Variants in TCF4 observed in about 807,000 individuals in gnomAD.
TCF4 encodes SL3-3 enhancer factor 2.
TCF4 carries 3 observed loss-of-function variants against 82.1 expected under a neutral mutation model. The observed-to-expected ratio is 0.04, with a 90% CI of 0.02 to 0.09. TCF4 has a LOEUF of 0.09. TCF4 is among the 10% of genes least tolerant of loss of function. The pLI, the probability that TCF4 is intolerant of heterozygous loss-of-function variation, is 1.00. For synonymous variants in TCF4, 276 were observed against 309.6 expected (o/e 0.89, Z 1.14); for missense variants, 518 against 852.7 (o/e 0.61, Z 4.89).
chr18:55,334,242 T>G (rs1400671898), intron 8 of TCF4, among the ~76,000 whole-genome samples: 1 of 152,182 alleles, frequency 6.6e-6, no homozygotes, highest in African/African-American at 2.4e-5. Context: ...AGCATTATTC[T>G]TAATAGTAAA....
intron 8 of TCF4, chr18:55,322,366 C>T (rs2075792119): frequency 4.1e-6 from 4 of 982,638 alleles, no homozygotes; most frequent in Non-Finnish European, 4.8e-6. Flanking sequence ...TAGCTCCCAG[C>T]ATTGTACGCA....
intron 6 of TCF4, chr18:55,351,256 A>G: frequency 2.3e-6 from 1 of 436,096 alleles, no homozygotes; most frequent in Non-Finnish European, 4.2e-6. Context: ...TAAGTCTTTT[A>G]AGATGACTCA....
intron 5 of TCF4, among the ~76,000 whole-genome samples, chr18:55,442,437 T>C (rs1027124927): frequency 1.3e-5 from 2 of 152,216 alleles, no homozygotes; most frequent in African/African-American, 4.8e-5. Context: ...CCCCAATTTG[T>C]CCATCCATGT....
intron 15 of TCF4, 63 bp from the exon 16 acceptor site, chr18:55,234,746 A>T: frequency 6.2e-7 from 1 of 1,611,694 alleles, no homozygotes; most frequent in South Asian, 1.1e-5. Context: ...CTATTTCCAG[A>T]GGCCAAGAGG....
intron 6 of TCF4, among the ~76,000 whole-genome samples, chr18:55,370,085 C>A (rs144150233): frequency 6.6e-6 from 1 of 152,332 alleles, no homozygotes; most frequent in Non-Finnish European, 1.5e-5. Context: ...CACAGTCTGA[C>A]CCCAATCTCA....
chr18:55,399,914 ACACACACACAC>A (rs2093719449), intron 6 of TCF4, among the ~76,000 whole-genome samples: 6 of 150,534 alleles, frequency 4.0e-5, no homozygotes, highest in Admixed American at 6.6e-5. Flanking sequence ...ACACACACAC[ACACACACACAC>A]AATACTAAAA....
chr18:55,485,637 C>T (rs973007525), intron 3 of TCF4, among the ~76,000 whole-genome samples: 2 of 152,190 alleles, frequency 1.3e-5, no homozygotes, highest in East Asian at 3.8e-4. Flanking sequence ...GCACAGGTAA[C>T]GTTAATGGCT....
chr18:55,344,842 C>T (rs2080827119), intron 8 of TCF4, among the ~76,000 whole-genome samples: 1 of 152,064 alleles, frequency 6.6e-6, no homozygotes, highest in Admixed American at 6.6e-5. Context: ...GGGCATACAA[C>T]CTTTTTGTTT....
chr18:55,533,057 C>G (rs2097082211), intron 3 of TCF4, among the ~76,000 whole-genome samples: 1 of 152,174 alleles, frequency 6.6e-6, no homozygotes, highest in African/African-American at 2.4e-5. Flanking sequence ...TCCTTTCTAT[C>G]AAGTGGCACA....
At chr18:55,438,638 A>G (rs1379214662) in intron 5 of TCF4, among the ~76,000 whole-genome samples, 1 of 152,214 alleles carries the variant, frequency 6.6e-6, no homozygotes. Context: ...CAGTCCTGGT[A>G]GGAAAGGTAG....
intron 15 of TCF4, among the ~76,000 whole-genome samples, chr18:55,247,276 C>T (rs568631682): frequency 1.0e-3 from 156 of 152,190 alleles, no homozygotes; most frequent in Middle Eastern, 0.01. Flanking sequence ...TTAGTCACAC[C>T]CATCACATTT....
chr18:55,347,301 G>A (rs529107963), intron 8 of TCF4, among the ~76,000 whole-genome samples: 13 of 152,028 alleles, frequency 8.6e-5, no homozygotes, highest in Non-Finnish European at 1.6e-4. Flanking sequence ...CAGAGCTCTC[G>A]TGGGCAATTA....
upstream of TCF4, chr18:55,589,912 G>T: frequency 1.2e-6 from 1 of 860,578 alleles, no homozygotes; most frequent in Non-Finnish European, 1.4e-6. Context: ...TAGAGAGGCG[G>T]CCAAGATGGC....
At chr18:55,363,454 C>T (rs1421495353) in intron 6 of TCF4, among the ~76,000 whole-genome samples, 1 of 152,126 alleles carries the variant, frequency 6.6e-6, no homozygotes, top group Non-Finnish European at 1.5e-5. Context: ...TTAGCTATGA[C>T]ATTAGAGCTA....
chr18:55,609,026 T>C (rs2097704749), intron 2 of TCF4, among the ~76,000 whole-genome samples: 1 of 152,142 alleles, frequency 6.6e-6, no homozygotes, highest in Non-Finnish European at 1.5e-5. Context: ...ACACAGGCTC[T>C]TTCTCTCTGT....
At chr18:55,250,310 A>C (rs2054616969) in intron 15 of TCF4, among the ~76,000 whole-genome samples, 1 of 152,162 alleles carries the variant, frequency 6.6e-6, no homozygotes, top group Non-Finnish European at 1.5e-5. Context: ...CTTTGGAGGG[A>C]AAGTTCTCTG....
chr18:55,368,549 G>C (rs1603388809), intron 6 of TCF4, among the ~76,000 whole-genome samples: 1 of 152,156 alleles, frequency 6.6e-6, no homozygotes, highest in East Asian at 1.9e-4. Context: ...TTTTAAGAAA[G>C]TTTTCAAATT....
intron 5 of TCF4, among the ~76,000 whole-genome samples, chr18:55,442,046 TAGC>T (rs2095446592): frequency 6.6e-6 from 1 of 152,176 alleles, no homozygotes. Context: ...TGACACAACT[TAGC>T]AGGCAATGTA....
At chr18:55,524,509 C>G (rs1026024846) in intron 3 of TCF4, among the ~76,000 whole-genome samples, 3 of 152,062 alleles carry the variant, frequency 2.0e-5, no homozygotes, top group African/African-American at 4.8e-5. Flanking sequence ...TTTAAATGAG[C>G]CTTTCATGGT....
Sources: gnomAD v4.1 joint callset for allele counts (sites outside exome capture counted in the v4.1 genomes callset) on GRCh38, gnomAD v4.1.1 for gene constraint, MANE v1.5 for transcripts, NCBI Gene and HGNC (gene_info 2026-07-23, HGNC 2026-07-21) for gene names.